The following FNDC3B variants were observed in gnomAD, a reference collection of about 807,000 sequenced individuals.
FNDC3B encodes fibronectin type III domain containing 3B.
In FNDC3B, 12 loss-of-function variants were observed where a neutral mutation model predicts 151.5. That is an observed-to-expected ratio of 0.08 (90% CI 0.05 to 0.13). The LOEUF is 0.13. FNDC3B is among the 10% of genes least tolerant of loss of function. FNDC3B has a pLI of 1.00. For missense variants in FNDC3B, 1,214 were observed against 1,505.3 expected, an observed-to-expected ratio of 0.81 and a Z score of 3.20; for synonymous variants, 528 against 549.0, an observed-to-expected ratio of 0.96 and a Z score of 0.54.
At chr3:172,251,581 A>T (rs1728083766) in intron 6 of FNDC3B, 40 bp downstream of exon 6, 1 of 1,536,004 alleles carries the variant, frequency 6.5e-7, no homozygotes, top group Non-Finnish European at 8.8e-7. Flanking sequence ...AATTATCAAG[A>T]CAGAGACATC....
intron 25 of FNDC3B, among the ~76,000 whole-genome samples, chr3:172,393,332 A>G (rs1011378315): frequency 1.3e-5 from 2 of 152,212 alleles, no homozygotes; most frequent in African/African-American, 4.8e-5. Context: ...AGAGGATATA[A>G]CAGTTATATA....
chr3:172,210,739 C>T (rs866925490), intron 3 of FNDC3B, among the ~76,000 whole-genome samples: 48 of 152,296 alleles, frequency 3.2e-4, no homozygotes, highest in African/African-American at 1.2e-3. Flanking sequence ...CATGAATATG[C>T]AAACAGGTAT....
chr3:172,313,115 C>T (rs73167273), intron 11 of FNDC3B, among the ~76,000 whole-genome samples: 19,939 of 152,054 alleles, frequency 0.13, 1,638 homozygotes, highest in South Asian at 0.28. Flanking sequence ...GGTATCAGCT[C>T]TGTTGAGCTT....
chr3:172,186,355 G>A (rs888328470), intron 3 of FNDC3B, among the ~76,000 whole-genome samples: 1 of 152,144 alleles, frequency 6.6e-6, no homozygotes, highest in Admixed American at 6.5e-5. Context: ...TGGGGTTTGA[G>A]CATGTTCCTC....
intron 3 of FNDC3B, among the ~76,000 whole-genome samples, chr3:172,189,158 C>T (rs1174673684): frequency 6.6e-6 from 1 of 152,112 alleles, no homozygotes; most frequent in East Asian, 1.9e-4. Context: ...ATAGAATATT[C>T]ACAATTGTTT....
intron 4 of FNDC3B, among the ~76,000 whole-genome samples, chr3:172,247,044 A>G (rs1018587729): frequency 1.3e-5 from 2 of 152,168 alleles, no homozygotes; most frequent in Admixed American, 6.5e-5. Context: ...CCTGATGATG[A>G]TGGAACTGTG....
chr3:172,323,052 G>A (rs1732171672), intron 11 of FNDC3B, among the ~76,000 whole-genome samples: 1 of 151,924 alleles, frequency 6.6e-6, no homozygotes, highest in Non-Finnish European at 1.5e-5. Flanking sequence ...TTGTTTGCAG[G>A]GAATATAAAT....
chr3:172,124,143 T>C (rs894401229), intron 2 of FNDC3B, among the ~76,000 whole-genome samples: 18 of 152,026 alleles, frequency 1.2e-4, no homozygotes, highest in African/African-American at 4.1e-4. Context: ...CAGGCTGGAG[T>C]GCAATGGCGC....
chr3:172,114,748 AT>A (rs1243878255), intron 2 of FNDC3B, among the ~76,000 whole-genome samples: 1 of 152,154 alleles, frequency 6.6e-6, no homozygotes, highest in Non-Finnish European at 1.5e-5. Flanking sequence ...AAAAACCCGC[AT>A]TTTTATTAAA....
At chr3:172,167,868 T>C (rs1723083629) in intron 3 of FNDC3B, among the ~76,000 whole-genome samples, 1 of 152,170 alleles carries the variant, frequency 6.6e-6, no homozygotes, top group African/African-American at 2.4e-5. Flanking sequence ...GGTGGAACAA[T>C]TTCATCCCAA....
Position 172,362,702 on chromosome 3 carries a change from G to A in FNDC3B, c.2865G>A (p.Arg955=). 3.1e-6 allele frequency: 5 copies of A among 1,614,018 alleles called. No homozygotes were observed. The highest frequency in any genetic ancestry group is 1.1e-5 in the South Asian group (1 of 91,078). The change falls in exon 23 of 26, where the codon CGG becomes CGA. Residue 955 remains arginine, a synonymous_variant. Coordinates refer to ENST00000415807, the MANE Select transcript of FNDC3B (RefSeq NM_022763.4). ...GTCAGTTCATTAAAGCAAAAACTCG[G>A]CCATTACCACCCTTGCCTCCTAGGC... is the stretch of plus-strand genomic sequence containing the variant. ...PFSQFIKAKT[R]PLPPLPPRLE... is the part of the protein sequence containing the mutation.
chr3:172,281,469 C>T (rs1326321979), intron 6 of FNDC3B, among the ~76,000 whole-genome samples: 1 of 152,050 alleles, frequency 6.6e-6, no homozygotes, highest in Non-Finnish European at 1.5e-5. Flanking sequence ...GTTCATTTAC[C>T]CCAGCCGTGG....
intron 1 of FNDC3B, among the ~76,000 whole-genome samples, chr3:172,079,073 C>T (rs2108496450): frequency 6.6e-6 from 1 of 152,246 alleles, no homozygotes. Context: ...TAGAGACTGA[C>T]ATTTATATAA....
intron 3 of FNDC3B, 126 bp downstream of exon 3, chr3:172,133,672 C>A (rs530804931): frequency 1.3e-6 from 1 of 764,568 alleles, no homozygotes; most frequent in South Asian, 1.4e-5. Context: ...TATTCATTTT[C>A]TTTTTTTTTC....
At chr3:172,277,751 T>G (rs901005764) in intron 6 of FNDC3B, among the ~76,000 whole-genome samples, 1 of 152,172 alleles carries the variant, frequency 6.6e-6, no homozygotes, top group African/African-American at 2.4e-5. Flanking sequence ...GAATAACTGA[T>G]TGGCTGCATA....
intron 1 of FNDC3B, among the ~76,000 whole-genome samples, chr3:172,109,543 G>A (rs1679788592): frequency 6.6e-6 from 1 of 152,226 alleles, no homozygotes; most frequent in Admixed American, 6.5e-5. Context: ...AGACTGCTGG[G>A]CTCACAGTGG....
chr3:172,303,530 A>C (rs966679978), intron 9 of FNDC3B, among the ~76,000 whole-genome samples: 7 of 152,188 alleles, frequency 4.6e-5, no homozygotes, highest in South Asian at 4.1e-4. Flanking sequence ...TTTCCTAAGC[A>C]TTTAGCCAGG....
chr3:172,232,688 A>G (rs192653359), intron 4 of FNDC3B, among the ~76,000 whole-genome samples: 9 of 152,286 alleles, frequency 5.9e-5, no homozygotes, highest in South Asian at 2.1e-4. Flanking sequence ...TGGGAATTTA[A>G]TCTTATCACA....
intron 3 of FNDC3B, among the ~76,000 whole-genome samples, chr3:172,137,108 A>T (rs781317214): frequency 5.3e-5 from 8 of 152,076 alleles, no homozygotes; most frequent in Non-Finnish European, 1.2e-4. Flanking sequence ...TCAGCCTAAT[A>T]ACTTTGCTAT....
Sources: gnomAD v4.1 joint callset for allele counts (sites outside exome capture counted in the v4.1 genomes callset) on GRCh38, gnomAD v4.1.1 for gene constraint, MANE v1.5 for transcripts, NCBI Gene and HGNC (gene_info 2026-07-23, HGNC 2026-07-21) for gene names.